Variants in SHTN1 observed in about 807,000 individuals in gnomAD.
SHTN1 encodes the protein shootin-1.
In SHTN1, 42 loss-of-function variants were observed where a neutral mutation model predicts 83.1. The observed-to-expected ratio is 0.51, with a 90% confidence interval of 0.39 to 0.65. The LOEUF is 0.65. Among genes scored for constraint, SHTN1 ranks in the 30% least tolerant of loss-of-function variants. The pLI, the probability that SHTN1 is intolerant of heterozygous loss-of-function variation, is 0.00. For synonymous variants in SHTN1, 224 were observed against 247.7 expected (o/e 0.90, Z 0.90); for missense variants, 622 against 737.8 (o/e 0.84, Z 1.82).
intron 1 of SHTN1, among the ~76,000 whole-genome samples, chr10:117,079,042 A>AT (rs1227632598): frequency 3.3e-5 from 5 of 151,052 alleles, no homozygotes; most frequent in South Asian, 2.1e-4. Flanking sequence ...ATTTTTATTT[A>AT]TTTTTTTATT....
intron 1 of SHTN1, among the ~76,000 whole-genome samples, chr10:117,084,198 G>A (rs990693979): frequency 6.6e-5 from 10 of 152,116 alleles, no homozygotes; most frequent in African/African-American, 2.2e-4. Flanking sequence ...GGTCTTTGAT[G>A]ATGGTGATGT....
At chr10:117,043,374 A>G (rs1407355413) in intron 2 of SHTN1, among the ~76,000 whole-genome samples, 1 of 152,166 alleles carries the variant, frequency 6.6e-6, no homozygotes, top group Non-Finnish European at 1.5e-5. Context: ...TAATGGGTAC[A>G]GATATGTTAG....
chr10:116,919,201 C>A (rs4752018), intron 12 of SHTN1, among the ~76,000 whole-genome samples: 34,737 of 152,070 alleles, frequency 0.23, 4,079 homozygotes, highest in East Asian at 0.29. Context: ...ATTCATCATG[C>A]ATTTAATTAT....
At chr10:117,048,942 T>C (rs140211014) in intron 1 of SHTN1, among the ~76,000 whole-genome samples, 1 of 152,308 alleles carries the variant, frequency 6.6e-6, no homozygotes, top group Admixed American at 6.5e-5. Context: ...CCTGTATCAG[T>C]TCTTGATTTT....
At position 116,901,751 on chromosome 10, in the gene SHTN1, G is replaced by A; in HGVS notation, c.1673+14C>T. 3 of 1,574,152 alleles carry A rather than the reference G, an allele frequency of 1.9e-6. No individual in the cohort carries two copies. Among genetic ancestry groups the A allele is most frequent in the Non-Finnish European group, 2.6e-6 (3 of 1,165,286 alleles). ...TCTTCTATACACCACTTAGTAAAGA[G>A]CATCGTTACTTACTGAAACGTAACC... On this transcript the variant is annotated intron_variant, in intron 16 of 16. Coordinates refer to ENST00000355371, the MANE Select transcript of SHTN1 (RefSeq NM_001127211.3).
intron 1 of SHTN1, among the ~76,000 whole-genome samples, chr10:117,100,369 A>G (rs1383382814): frequency 6.6e-6 from 1 of 152,168 alleles, no homozygotes; most frequent in Non-Finnish European, 1.5e-5. Context: ...GTTGCCACAG[A>G]GACTTATGGC....
intron 1 of SHTN1, among the ~76,000 whole-genome samples, chr10:117,117,595 G>T (rs1021606916): frequency 2.0e-5 from 3 of 152,058 alleles, no homozygotes; most frequent in Non-Finnish European, 4.4e-5. Flanking sequence ...GCAATCCTTA[G>T]CAAAAAGAAC....
At chr10:116,927,043 G>A (rs960429430) in intron 11 of SHTN1, among the ~76,000 whole-genome samples, 4 of 152,084 alleles carry the variant, frequency 2.6e-5, no homozygotes, top group African/African-American at 9.7e-5. Flanking sequence ...TCCTCTCTTA[G>A]CATTACTAAA....
Position 117,108,046 on chromosome 10 carries a change from A to G in SHTN1, c.-189+18261T>C, listed in dbSNP as rs1436206690. ...TTGAGCCGCCCAATGTTTGTCGTTT[A>G]TGAAAAGTAGGATGAACCTAGCAAA... is the stretch of plus-strand genomic sequence containing the variant. On this transcript the variant is annotated intron_variant, in intron 1 of 17. Coordinates refer to the SHTN1 transcript ENST00000392901. Among the ~76,000 whole-genome samples the G allele has an allele frequency of 1.4e-4, 21 of 152,194 alleles. 1 individual carries two copies. Among genetic ancestry groups the G allele is most frequent in the Admixed American group, 1.4e-3 (21 of 15,272 alleles).
chr10:117,008,050 G>A (rs1389094099), upstream of SHTN1, among the ~76,000 whole-genome samples: 1 of 151,866 alleles, frequency 6.6e-6, no homozygotes, highest in Non-Finnish European at 1.5e-5. Context: ...CAGGCATCAC[G>A]TTGGAGTTAC....
chr10:117,024,326 G>GTA (rs915738254), intron 2 of SHTN1, among the ~76,000 whole-genome samples: 2 of 145,726 alleles, frequency 1.4e-5, no homozygotes, highest in Non-Finnish European at 1.5e-5. Flanking sequence ...TTGTACAGAT[G>GTA]TATACACTTG....
chr10:116,950,139 T>G (rs938710572), intron 6 of SHTN1, among the ~76,000 whole-genome samples: 4 of 152,024 alleles, frequency 2.6e-5, no homozygotes, highest in Admixed American at 2.0e-4. Flanking sequence ...GTGAATTAAG[T>G]TGGGTAGCAG....
upstream of SHTN1, among the ~76,000 whole-genome samples, chr10:117,009,069 C>T (rs191414036): frequency 1.5e-3 from 233 of 152,134 alleles, 4 homozygotes; most frequent in Non-Finnish European, 2.6e-3. Context: ...GAGCCGAGAT[C>T]GTGCCATTGC....
intron 2 of SHTN1, among the ~76,000 whole-genome samples, chr10:117,027,497 C>A (rs1447592727): frequency 2.0e-5 from 1 of 49,334 alleles, no homozygotes; most frequent in African/African-American, 5.1e-5. Flanking sequence ...CAGTCTCAGG[C>A]ATTTCTTTTT....
At chr10:117,093,658 GGCTCTCT>G (rs1240409430) in intron 1 of SHTN1, among the ~76,000 whole-genome samples, 1 of 152,156 alleles carries the variant, frequency 6.6e-6, no homozygotes, top group East Asian at 1.9e-4. Context: ...CACGACACCA[GGCTCTCT>G]TTAGTCATAA....
chr10:116,986,791 C>T (rs1042952486), intron 1 of SHTN1, among the ~76,000 whole-genome samples: 3 of 137,200 alleles, frequency 2.2e-5, no homozygotes, highest in Non-Finnish European at 4.5e-5. Flanking sequence ...CAGTGCAGTG[C>T]GATCTCGGCT....
At chr10:116,995,825 C>A (rs1010875803) in intron 1 of SHTN1, among the ~76,000 whole-genome samples, 2 of 152,084 alleles carry the variant, frequency 1.3e-5, no homozygotes, top group Non-Finnish European at 2.9e-5. Context: ...ATACATGGTT[C>A]AAATGGTTGC....
intron 1 of SHTN1, among the ~76,000 whole-genome samples, chr10:117,097,791 T>TCCAA (rs1853526044): frequency 6.6e-6 from 1 of 152,194 alleles, no homozygotes; most frequent in South Asian, 2.1e-4. Context: ...ATTAAGCGAT[T>TCCAA]CCAACTGCAT....
At chr10:117,121,436 G>A (rs549751719) in intron 1 of SHTN1, among the ~76,000 whole-genome samples, 9 of 151,832 alleles carry the variant, frequency 5.9e-5, no homozygotes, top group South Asian at 2.1e-4. Context: ...AAAACTAGCC[G>A]GGCATGGTGG....
Sources: gnomAD v4.1 joint callset for allele counts (sites outside exome capture counted in the v4.1 genomes callset) on GRCh38, gnomAD v4.1.1 for gene constraint, MANE v1.5 for transcripts, NCBI Gene and HGNC (gene_info 2026-07-23, HGNC 2026-07-21) for gene names.